PCDH15: variants seen among roughly 807,000 people sequenced by gnomAD.
The protein encoded by PCDH15 is protocadherin related 15, also known as protocadherin-15.
Under a neutral mutation model 178.5 loss-of-function variants are expected in PCDH15, and 129 were observed. The ratio of observed to expected loss-of-function variants is 0.72; its 90% confidence interval spans 0.63 to 0.84. The LOEUF (loss-of-function observed/expected upper bound fraction) is 0.84, where lower values mean the gene tolerates loss of function less well. Ranked by LOEUF, PCDH15 falls within the 40% of genes least tolerant of loss-of-function variation. The pLI is 0.00. For synonymous variants in PCDH15, 800 were observed against 732.0 expected, an observed-to-expected ratio of 1.09 and a Z score of -1.50; for missense variants, 2,230 against 2,099.9, an observed-to-expected ratio of 1.06 and a Z score of -1.21.
At chr10:54,662,277 T>C (rs573310630) in intron 2 of PCDH15, among the ~76,000 whole-genome samples, 21 of 152,026 alleles carry the variant, frequency 1.4e-4, no homozygotes, top group African/African-American at 4.6e-4. Context: ...GAAATGGAAG[T>C]GACCAACAAA....
Position 55,177,688 on chromosome 10 carries a change from TG to T in PCDH15, c.-155-11038del, listed in dbSNP as rs555016691. On this transcript the variant is annotated intron_variant, in intron 1 of 5. Coordinates refer to the PCDH15 transcript ENST00000458638. Reference sequence around the variant, plus strand: ...CTCCTCAAATATCAAGCTCTGCTATTGGAGGGATCTACAGTCCAGTTAAGAA... The same window carrying T: ...CTCCTCAAATATCAAGCTCTGCTATTGAGGGATCTACAGTCCAGTTAAGAA... Among the ~76,000 whole-genome samples, 736 of 152,292 alleles carry T rather than the reference TG, an allele frequency of 4.8e-3. 2 individuals carry two copies. Among genetic ancestry groups the T allele is most frequent in the Non-Finnish European group, 7.8e-3 (529 of 68,008 alleles).
intron 2 of PCDH15, among the ~76,000 whole-genome samples, chr10:55,438,202 TACAC>T (rs71463103): frequency 6.7e-6 from 1 of 149,554 alleles, no homozygotes; most frequent in Non-Finnish European, 1.5e-5. Flanking sequence ...GAACATGTTA[TACAC>T]ACACACACAC....
At chr10:54,534,537 T>C (rs2084276683) in intron 2 of PCDH15, among the ~76,000 whole-genome samples, 1 of 152,078 alleles carries the variant, frequency 6.6e-6, no homozygotes, top group South Asian at 2.1e-4. Context: ...CAAGGAAGAG[T>C]TGCAGATTTT....
upstream of PCDH15, among the ~76,000 whole-genome samples, chr10:54,804,948 T>TATATATATATATATATATACATAC (rs905516559): frequency 2.4e-5 from 3 of 127,242 alleles, no homozygotes; most frequent in Non-Finnish European, 5.2e-5. Context: ...TATATATATA[T>TATATATATATATATATATACATAC]ACAGAGTTTG....
At chr10:54,709,498 T>C (rs2132334511) in intron 1 of PCDH15, among the ~76,000 whole-genome samples, 1 of 150,396 alleles carries the variant, frequency 6.6e-6, no homozygotes, top group African/African-American at 2.4e-5. Flanking sequence ...TCTACTTCCA[T>C]TGTTGTTGTG....
intron 1 of PCDH15, among the ~76,000 whole-genome samples, chr10:55,197,802 A>C (rs1226543123): frequency 1.3e-5 from 2 of 152,132 alleles, no homozygotes; most frequent in Admixed American, 6.5e-5. Context: ...GTTATAATAC[A>C]TTCCCATTAT....
At chr10:55,598,534 ATATATATATATATATATATAT>A (rs1163133370) in intron 2 of PCDH15, among the ~76,000 whole-genome samples, 1 of 35,540 alleles carries the variant, frequency 2.8e-5, no homozygotes, top group Non-Finnish European at 4.6e-5. Context: ...ATATATATAT[ATATATATATATATATATATAT>A]ATATATATAT....
At chr10:54,178,417 T>A (rs2047651705) in intron 13 of PCDH15, among the ~76,000 whole-genome samples, 1 of 151,638 alleles carries the variant, frequency 6.6e-6, no homozygotes, top group Non-Finnish European at 1.5e-5. Context: ...TATCTGGGAG[T>A]AGGGATTAGA....
intron 2 of PCDH15, among the ~76,000 whole-genome samples, chr10:54,944,072 A>C (rs936627527): frequency 1.3e-5 from 2 of 151,960 alleles, no homozygotes; most frequent in Non-Finnish European, 2.9e-5. Context: ...CAATTAGGCC[A>C]AGACCCAAAG....
chr10:54,559,547 C>CAACT lies in PCDH15; in HGVS notation c.92-31674_92-31671dup, dbSNP rs1232967808. On this transcript the variant is annotated intron_variant, in intron 2 of 37. Transcript: ENST00000644397. Reference sequence around the variant, plus strand: ...GTCTGATTATTGCTCTGAAGATAAACAACTACTGAGACCATATATTCTGAA... The same window carrying CAACT: ...GTCTGATTATTGCTCTGAAGATAAACAACTAACTACTGAGACCATATATTCTGAA... 1.3e-4 allele frequency among the ~76,000 whole-genome samples: 20 copies of CAACT among 151,966 alleles called. 1 individual carries two copies. Among genetic ancestry groups the CAACT allele is most frequent in the Admixed American group, 1.3e-3 (20 of 15,236 alleles).
intron 3 of PCDH15, among the ~76,000 whole-genome samples, chr10:54,454,022 C>T (rs544364538): frequency 4.0e-5 from 6 of 151,436 alleles, no homozygotes; most frequent in Non-Finnish European, 8.8e-5. Flanking sequence ...TATTTATATA[C>T]ATCTCCTTGA....
chr10:54,945,171 T>C (rs1215284190), intron 2 of PCDH15, among the ~76,000 whole-genome samples: 2 of 151,880 alleles, frequency 1.3e-5, no homozygotes, highest in Admixed American at 6.6e-5. Context: ...AAATACTTTC[T>C]GATATTTTAC....
At chr10:54,494,382 C>T (rs541970198) in intron 3 of PCDH15, among the ~76,000 whole-genome samples, 4 of 152,182 alleles carry the variant, frequency 2.6e-5, no homozygotes, top group African/African-American at 9.6e-5. Flanking sequence ...ACAGATCCTC[C>T]AAATTCACAT....
chr10:55,328,724 A>C (rs1489276265), intron 2 of PCDH15, among the ~76,000 whole-genome samples: 1 of 151,328 alleles, frequency 6.6e-6, no homozygotes, highest in Non-Finnish European at 1.5e-5. Context: ...ACAATACAGT[A>C]CAATTATTTA....
At chr10:53,969,133 CTAGAA>C (rs1251558104) in intron 21 of PCDH15, among the ~76,000 whole-genome samples, 2 of 152,078 alleles carry the variant, frequency 1.3e-5, no homozygotes, top group African/African-American at 4.8e-5. Flanking sequence ...AAATGGCTAA[CTAGAA>C]TAAACAGTGT....
intron 2 of PCDH15, among the ~76,000 whole-genome samples, chr10:55,570,136 T>C (rs1457819276): frequency 6.6e-6 from 1 of 152,018 alleles, no homozygotes; most frequent in Non-Finnish European, 1.5e-5. Flanking sequence ...TTTTTATAAA[T>C]AGCTTCTCTT....
chr10:54,810,835 G>C (rs1021405535), intron 3 of PCDH15, among the ~76,000 whole-genome samples: 2 of 152,056 alleles, frequency 1.3e-5, no homozygotes, highest in African/African-American at 4.8e-5. Flanking sequence ...CAAAACATAG[G>C]CTAATTTTTG....
At chr10:54,211,072 T>G (rs1317734620) in intron 10 of PCDH15, among the ~76,000 whole-genome samples, 2 of 152,134 alleles carry the variant, frequency 1.3e-5, no homozygotes, top group Non-Finnish European at 2.9e-5. Flanking sequence ...CTTGAAAATA[T>G]TTCACTTACA....
intron 1 of PCDH15, among the ~76,000 whole-genome samples, chr10:54,697,291 A>G (rs1019017870): frequency 2.0e-5 from 3 of 152,000 alleles, no homozygotes; most frequent in African/African-American, 4.8e-5. Context: ...CTCTCAAAGT[A>G]GCATACTATA....
Sources: allele counts gnomAD v4.1 joint callset (sites outside exome capture counted in the v4.1 genomes callset), GRCh38; gene constraint gnomAD v4.1.1; transcripts MANE v1.5; gene names NCBI Gene and HGNC (gene_info 2026-07-23, HGNC 2026-07-21).